The following AS3MT variants were observed in gnomAD, a reference collection of about 807,000 sequenced individuals.
The protein encoded by AS3MT is arsenite methyltransferase.
Under a neutral mutation model 45.3 loss-of-function variants are expected in AS3MT, and 47 were observed. The ratio of observed to expected loss-of-function variants is 1.04; its 90% CI spans 0.82 to 1.32. The LOEUF (loss-of-function observed/expected upper bound fraction) is 1.32. Among genes scored for constraint, AS3MT ranks in the 40% most tolerant of loss-of-function variants. The pLI, the probability that AS3MT is intolerant of heterozygous loss-of-function variation, is 0.00. For synonymous variants in AS3MT, 141 were observed against 152.8 expected, an observed-to-expected ratio of 0.92 and a Z score of 0.57; for missense variants, 396 against 451.1, an observed-to-expected ratio of 0.88 and a Z score of 1.11.
intron 10 of AS3MT, among the ~76,000 whole-genome samples, chr10:102,899,278 A>G: frequency 6.6e-6 from 1 of 152,154 alleles, no homozygotes; most frequent in East Asian, 1.9e-4. Flanking sequence ...CCCAGAGTAC[A>G]TGAGCCACCG....
In AS3MT at chr10:102,900,719, G is replaced by C; in HGVS notation, c.*19G>C. The C allele has an allele frequency of 1.3e-6, 2 of 1,579,668 alleles. No homozygotes were observed. The highest frequency in any genetic ancestry group is 1.7e-6 in the Non-Finnish European group (2 of 1,148,734). On this transcript the variant is annotated 3_prime_UTR_variant, in exon 11 of 11. Coordinates refer to ENST00000369880, the MANE Select transcript of AS3MT (RefSeq NM_020682.4). ...CTGCTAAATCTATAGCCAACCAGGGGACCACAGTAGTGGGCAAGAGTGATC... is the reference window on the plus strand; with the variant it reads ...CTGCTAAATCTATAGCCAACCAGGGCACCACAGTAGTGGGCAAGAGTGATC...
intron 10 of AS3MT, among the ~76,000 whole-genome samples, chr10:102,897,834 C>T (rs562477656): frequency 1.3e-5 from 2 of 152,198 alleles, no homozygotes; most frequent in Non-Finnish European, 2.9e-5. Flanking sequence ...TTTCTTTCTG[C>T]GTAGCTGTCC....
chr10:102,880,167 A>G (rs774245014), intron 9 of AS3MT, among the ~76,000 whole-genome samples: 1 of 152,198 alleles, frequency 6.6e-6, no homozygotes, highest in Non-Finnish European at 1.5e-5. Context: ...AAGAAATTTT[A>G]ATGTTGGATG....
chr10:102,887,285 GAATGTCT>G (rs1313920462), intron 9 of AS3MT, among the ~76,000 whole-genome samples: 2 of 152,326 alleles, frequency 1.3e-5, no homozygotes, highest in African/African-American at 4.8e-5. Context: ...CTATTGAGCA[GAATGTCT>G]ATTCTGCAGC....
At chr10:102,893,154 CTG>C (rs1253065273) in intron 10 of AS3MT, among the ~76,000 whole-genome samples, 4 of 150,798 alleles carry the variant, frequency 2.7e-5, no homozygotes, top group Non-Finnish European at 5.9e-5. Flanking sequence ...TGCTGTAAGT[CTG>C]TAACTAAAAC....
chr10:102,896,298 A>T (rs1041128044), intron 10 of AS3MT, among the ~76,000 whole-genome samples: 1 of 141,242 alleles, frequency 7.1e-6, no homozygotes, highest in African/African-American at 2.7e-5. Flanking sequence ...ACAACACTGT[A>T]CCCCAGCCTG....
At chr10:102,871,533 C>A (rs1844684699) in intron 3 of AS3MT, among the ~76,000 whole-genome samples, 1 of 100,116 alleles carries the variant, frequency 1.0e-5, no homozygotes, top group African/African-American at 4.0e-5. Flanking sequence ...GGTGACAGGG[C>A]AAGACTCCGT....
chr10:102,875,242 C>T (rs574532041), intron 6 of AS3MT, among the ~76,000 whole-genome samples: 2 of 152,066 alleles, frequency 1.3e-5, no homozygotes, highest in African/African-American at 4.8e-5. Context: ...TGTGGGAGGC[C>T]GAGGCGGGCA....
At chr10:102,872,314 T>G (rs1354992938) in intron 3 of AS3MT, 134 bp from the exon 4 acceptor site, 16 of 901,778 alleles carry the variant, frequency 1.8e-5, no homozygotes, top group Non-Finnish European at 2.7e-5. Flanking sequence ...ATCAGAAGTA[T>G]GAGTGAATGA....
chr10:102,875,053 C>G (rs993480511), intron 6 of AS3MT, among the ~76,000 whole-genome samples: 9 of 152,174 alleles, frequency 5.9e-5, no homozygotes, highest in Admixed American at 5.2e-4. Context: ...GATTTCTTAT[C>G]TGTCATGATT....
intron 6 of AS3MT, 65 bp from the exon 7 acceptor site, chr10:102,876,889 C>A (rs190534777): frequency 6.7e-7 from 1 of 1,496,132 alleles, no homozygotes; most frequent in East Asian, 2.3e-5. Flanking sequence ...CTATTCCTTT[C>A]TTTGTTATGT....
chr10:102,892,587 T>C lies in AS3MT; in HGVS notation c.1020+1909T>C, dbSNP rs147559284. Among the ~76,000 whole-genome samples, 51 of 152,260 alleles carry C rather than the reference T, an allele frequency of 3.3e-4. No individual in the cohort carries two copies. The East Asian group carries it at 9.5e-3, about 28-fold the overall frequency. On this transcript the variant is annotated intron_variant, in intron 10 of 10. Coordinates refer to ENST00000369880, the MANE Select transcript of AS3MT (RefSeq NM_020682.4). ...TTCTCGTAGAATGAAAAGAAAATTA[T>C]TACTGAGAGGATATAAAGGTACCTC...
intron 10 of AS3MT, among the ~76,000 whole-genome samples, chr10:102,896,528 G>C (rs1845174716): frequency 6.6e-6 from 1 of 151,924 alleles, no homozygotes; most frequent in Admixed American, 6.6e-5. Flanking sequence ...GATTTACTAG[G>C]CCGGGCACGG....
intron 9 of AS3MT, among the ~76,000 whole-genome samples, chr10:102,888,873 A>ATTTTTTT (rs1416621656): frequency 2.4e-4 from 15 of 62,312 alleles, no homozygotes; most frequent in East Asian, 6.7e-4. Context: ...ATATATATAT[A>ATTTTTTT]TATATATATT....
At position 102,900,704 on chromosome 10, in the gene AS3MT, T is replaced by A; in HGVS notation, c.*4T>A. On this transcript the variant is annotated 3_prime_UTR_variant, in exon 11 of 11. Transcript: ENST00000369880. The stretch of plus-strand genomic sequence containing the variant: ...TGGCACAAAGAAAAGCTGCTAAATC[T>A]ATAGCCAACCAGGGGACCACAGTAG... The A allele has an allele frequency of 6.2e-7, 1 of 1,611,464 alleles. No individual in the cohort carries two copies. The highest frequency in any genetic ancestry group is 8.5e-7 in the Non-Finnish European group (1 of 1,177,582).
At position 102,901,106 on chromosome 10, in the gene AS3MT, A is replaced by G. The variant is rs1348410283; in HGVS notation, c.*406A>G. ...TGTCTCAAAAGCAAAAAAAAAAAAA[A>G]AAAAAGAAAGAAAGAAAAAGAAAAC... On this transcript the variant is annotated 3_prime_UTR_variant, in exon 11 of 11. Transcript: ENST00000369880. 6.6e-6 allele frequency: 1 copy of G among 151,852 alleles called. No individual in the cohort carries two copies. The highest frequency in any genetic ancestry group is 1.5e-5 in the Non-Finnish European group (1 of 68,376). The allele number at this position is 151,852 out of a possible 1,614,324, so 9.4% of individuals were successfully genotyped here. A position where few individuals can be genotyped will look rare whatever the true frequency, so the allele number is the denominator to read the frequency against.
At chr10:102,895,648 G>T (rs1845153336) in intron 10 of AS3MT, among the ~76,000 whole-genome samples, 1 of 152,122 alleles carries the variant, frequency 6.6e-6, no homozygotes, top group African/African-American at 2.4e-5. Context: ...AATAATACTA[G>T]CTTTGCCGGG....
At chr10:102,882,565 C>G (rs1333630765) in intron 9 of AS3MT, among the ~76,000 whole-genome samples, 1 of 151,964 alleles carries the variant, frequency 6.6e-6, no homozygotes, top group Non-Finnish European at 1.5e-5. Flanking sequence ...CTACATCTGG[C>G]TAAGCATCTT....
intron 10 of AS3MT, among the ~76,000 whole-genome samples, chr10:102,899,018 A>G (rs1335825643): frequency 1.3e-5 from 2 of 152,190 alleles, no homozygotes; most frequent in African/African-American, 4.8e-5. Flanking sequence ...AAGTCTTGAG[A>G]TCTTTTTGAA....
Sources: allele counts gnomAD v4.1 joint callset (sites outside exome capture counted in the v4.1 genomes callset), GRCh38; gene constraint gnomAD v4.1.1; transcripts MANE v1.5; gene names NCBI Gene and HGNC (gene_info 2026-07-23, HGNC 2026-07-21).